LINC00305: variants seen among roughly 807,000 people sequenced by gnomAD.
The protein encoded by LINC00305 is long intergenic non-protein coding RNA 305.
chr18:64,103,435 C>G (rs982720838), intron 1 of LINC00305, among the ~76,000 whole-genome samples: 1 of 152,132 alleles, frequency 6.6e-6, no homozygotes, highest in Non-Finnish European at 1.5e-5. Flanking sequence ...AATTATCTTC[C>G]TTTTGCGGCA....
At chr18:64,135,830 C>T (rs776815516) in intron 1 of LINC00305, among the ~76,000 whole-genome samples, 32 of 152,162 alleles carry the variant, frequency 2.1e-4, no homozygotes, top group Non-Finnish European at 1.0e-4. Flanking sequence ...AGGCCTGCCT[C>T]GGCTTCCCAA....
At chr18:64,100,973 G>T (rs1410489792) in intron 1 of LINC00305, among the ~76,000 whole-genome samples, 1 of 152,152 alleles carries the variant, frequency 6.6e-6, no homozygotes, top group Non-Finnish European at 1.5e-5. Flanking sequence ...GGATTCCTCT[G>T]TGAAAACCTC....
intron 1 of LINC00305, among the ~76,000 whole-genome samples, chr18:64,118,201 C>T (rs1395127575): frequency 6.6e-6 from 1 of 152,080 alleles, no homozygotes; most frequent in Non-Finnish European, 1.5e-5. Context: ...GTTTAATGCT[C>T]TTATTTTAAA....
intron 1 of LINC00305, among the ~76,000 whole-genome samples, chr18:64,115,233 C>T (rs2051332468): frequency 6.6e-6 from 1 of 152,154 alleles, no homozygotes; most frequent in South Asian, 2.1e-4. Flanking sequence ...ATATTGTGTT[C>T]CCAAATGTCC....
chr18:64,086,165 T>C (rs920461524), intron 3 of LINC00305, among the ~76,000 whole-genome samples: 1 of 152,348 alleles, frequency 6.6e-6, no homozygotes, highest in Middle Eastern at 3.4e-3. Flanking sequence ...ATGTTCTAGT[T>C]AGTTTAGTGA....
chr18:64,089,274 A>G (rs2051216004), intron 3 of LINC00305, among the ~76,000 whole-genome samples: 1 of 151,828 alleles, frequency 6.6e-6, no homozygotes, highest in South Asian at 2.1e-4. Flanking sequence ...TCCCATGCTC[A>G]CTCCTCTCTG....
intron 1 of LINC00305, among the ~76,000 whole-genome samples, chr18:64,139,265 C>T (rs1408802036): frequency 6.6e-6 from 1 of 152,186 alleles, no homozygotes; most frequent in Non-Finnish European, 1.5e-5. Context: ...ACTTTCTTTC[C>T]TCAAATCACA....
At chr18:64,133,899 G>A (rs910275443) in intron 1 of LINC00305, among the ~76,000 whole-genome samples, 5 of 151,956 alleles carry the variant, frequency 3.3e-5, no homozygotes, top group African/African-American at 1.2e-4. Context: ...TTTCCTAAAT[G>A]TCAAAGTAGA....
At chr18:64,125,797 G>A (rs1432161659) in intron 1 of LINC00305, among the ~76,000 whole-genome samples, 1 of 152,098 alleles carries the variant, frequency 6.6e-6, no homozygotes, top group Non-Finnish European at 1.5e-5. Context: ...GGGCCTAATG[G>A]GAGGTGATTA....
At chr18:64,129,984 T>C (rs1430991063) in intron 1 of LINC00305, among the ~76,000 whole-genome samples, 1 of 152,008 alleles carries the variant, frequency 6.6e-6, no homozygotes, top group African/African-American at 2.4e-5. Flanking sequence ...ATTTTCTTTT[T>C]TTTTTTTTAA....
At chr18:64,088,876 A>C (rs1229337331) in intron 3 of LINC00305, among the ~76,000 whole-genome samples, 1 of 152,180 alleles carries the variant, frequency 6.6e-6, no homozygotes, top group Non-Finnish European at 1.5e-5. Flanking sequence ...AAAGCTAAAC[A>C]GATAAAAAAA....
intron 1 of LINC00305, among the ~76,000 whole-genome samples, chr18:64,118,242 A>G (rs1328030601): frequency 6.6e-6 from 1 of 152,208 alleles, no homozygotes. Context: ...ATGTGATATT[A>G]TGAAACTGAG....
rs2051271288 is a variant in LINC00305, at chr18:64,102,522, C to T, written n.315-3882G>A. 2.6e-5 allele frequency among the ~76,000 whole-genome samples: 4 copies of T among 152,010 alleles called. No homozygotes were observed. In the South Asian group the frequency reaches 8.3e-4, roughly 32 times the overall value. On this transcript the variant is annotated intron_variant and non_coding_transcript_variant, in intron 1 of 3. Coordinates refer to ENST00000666468, the Ensembl canonical transcript of LINC00305. ...AGAACTGAAGAGACATACCCAAATG[C>T]CAGAAATGACCAAAATGCTAAAAAT...
At chr18:64,125,172 G>C (rs2051379268) in intron 1 of LINC00305, among the ~76,000 whole-genome samples, 1 of 152,042 alleles carries the variant, frequency 6.6e-6, no homozygotes, top group Non-Finnish European at 1.5e-5. Flanking sequence ...TTTATTTCCT[G>C]CTTCTAGTTT....
intron 1 of LINC00305, among the ~76,000 whole-genome samples, chr18:64,141,801 C>A (rs1461040709): frequency 6.6e-6 from 1 of 152,160 alleles, no homozygotes; most frequent in African/African-American, 2.4e-5. Flanking sequence ...TGGTATGATA[C>A]TCACGCATAT....
intron 3 of LINC00305, among the ~76,000 whole-genome samples, chr18:64,097,317 C>T (rs1279672663): frequency 6.6e-6 from 1 of 152,034 alleles, no homozygotes; most frequent in African/African-American, 2.4e-5. Flanking sequence ...ATATTATATA[C>T]AATTATGTTA....
intron 2 of LINC00305, among the ~76,000 whole-genome samples, chr18:64,098,242 A>G (rs1281382647): frequency 6.6e-6 from 1 of 152,208 alleles, no homozygotes; most frequent in Non-Finnish European, 1.5e-5. Flanking sequence ...TAAGCGATTC[A>G]TAAACCTGAC....
At chr18:64,146,458 T>C (rs1276187413) in intron 1 of LINC00305, among the ~76,000 whole-genome samples, 1 of 152,154 alleles carries the variant, frequency 6.6e-6, no homozygotes, top group Non-Finnish European at 1.5e-5. Context: ...CAGCATTCCT[T>C]CTAGGTTGAA....
chr18:64,124,667 A>G lies in LINC00305; in HGVS notation n.314+24108T>C, dbSNP rs118069852. Among the ~76,000 whole-genome samples the G allele has an allele frequency of 1.4e-3, 207 of 152,284 alleles. 1 individual carries two copies. In the East Asian group the frequency reaches 0.025, roughly 18 times the overall value. ...GATCTCTAATAAAATCTTATTAATC[A>G]TTTAATAATAACGATGATGATGATA... On this transcript the variant is annotated intron_variant and non_coding_transcript_variant, in intron 1 of 3. Coordinates refer to ENST00000666468, the Ensembl canonical transcript of LINC00305.
Sources: gnomAD v4.1 joint callset for allele counts (sites outside exome capture counted in the v4.1 genomes callset) on GRCh38, gnomAD v4.1.1 for gene constraint, MANE v1.5 for transcripts, NCBI Gene and HGNC (gene_info 2026-07-23, HGNC 2026-07-21) for gene names.